The following ADSS1 variants were observed in gnomAD, a reference collection of about 807,000 sequenced individuals.
ADSS1 encodes the protein adenylosuccinate synthase 1, also known as adenylosuccinate synthetase isozyme 1.
ADSS1 carries 57 observed loss-of-function variants against 59.1 expected under a neutral mutation model. The observed-to-expected ratio is 0.97, with a 90% confidence interval of 0.78 to 1.20. The LOEUF is 1.20. Ranked by LOEUF, ADSS1 falls within the 50% of genes most tolerant of loss-of-function variation. ADSS1 has a pLI of 0.00. For synonymous variants in ADSS1, 247 were observed against 249.4 expected (o/e 0.99, Z 0.09); for missense variants, 603 against 610.3 (o/e 0.99, Z 0.13).
chr14:104,740,836 C>T lies in ADSS1; in HGVS notation c.585-3C>T, dbSNP rs1797578283. 2 of 1,613,746 alleles carry T rather than the reference C, an allele frequency of 1.2e-6. No homozygotes were observed. Among genetic ancestry groups the T allele is most frequent in the South Asian group, 2.2e-5 (2 of 91,074 alleles). ...GGGGTGATGATGACTGTCCCTTGTGCAGATTCAAGAACCTGGCCCACCAGC... is the reference window on the plus strand; with the variant it reads ...GGGGTGATGATGACTGTCCCTTGTGTAGATTCAAGAACCTGGCCCACCAGC... On this transcript the variant is annotated splice_region_variant and splice_polypyrimidine_tract_variant and intron_variant, in intron 6 of 12. Transcript: ENST00000330877. This position sits in a 1 kb window ranked among gnomAD's most constrained non-coding sequence, Gnocchi z 4.8.
At position 104,729,945 on chromosome 14, in the gene ADSS1, G is replaced by A. The variant is rs368511329; in HGVS notation, c.193-5075G>A. The A allele has an allele frequency of 1.3e-6, 2 of 1,573,462 alleles. No individual in the cohort carries two copies. Among genetic ancestry groups the A allele is most frequent in the Admixed American group, 1.8e-5 (1 of 55,800 alleles). ...ACCCAGAGGCAAGGAGGTGGGCAGA[G>A]GCCCACGAACCTGGCCCTGACCCTC... On this transcript the variant is annotated intron_variant, in intron 1 of 12. Transcript: ENST00000330877.
chr14:104,743,076 G>A lies in ADSS1; in HGVS notation c.958G>A (p.Gly320Ser). 6.2e-7 allele frequency: 1 copy of A among 1,613,040 alleles called. No individual in the cohort carries two copies. Among genetic ancestry groups the A allele is most frequent in the Middle Eastern group, 1.6e-4 (1 of 6,062 alleles). Residue 320 changes from glycine to serine, a missense_variant, in exon 10 of 13, where the codon GGC (glycine) becomes AGC (serine). Transcript: ENST00000330877. ...CCCTGTTCTCATGTAGGAGATTGGA[G>A]GCCTGCTGCAGACCCGCGGCCACGA... ...FPTEQINEIG[G>S]LLQTRGHEWG...
At chr14:104,743,273 G>A (rs1181241752) in intron 10 of ADSS1, 82 bp downstream of exon 10, 67 of 1,563,820 alleles carry the variant, frequency 4.3e-5, no homozygotes, top group Non-Finnish European at 5.1e-5. Context: ...TTGACGCAGG[G>A]GCTGAGGGCC....
chr14:104,735,160 G>A, intron 2 of ADSS1, 38 bp downstream of exon 2: 1 of 1,549,684 alleles, frequency 6.5e-7, no homozygotes, highest in African/African-American at 1.4e-5. Flanking sequence ...GAGCAGGAAA[G>A]GGGGTGTCAG....
At chr14:104,746,065 C>G in intron 11 of ADSS1, 171 bp from the exon 12 acceptor site, 1 of 776,834 alleles carries the variant, frequency 1.3e-6, no homozygotes, top group East Asian at 2.7e-5. Flanking sequence ...CCCTGCTTAC[C>G]ACCCAACACT....
Position 104,740,515 on chromosome 14 carries a change from A to C in ADSS1, c.477-86A>C. 2 of 1,219,262 alleles carry C rather than the reference A, an allele frequency of 1.6e-6. No individual in the cohort carries two copies. The highest frequency in any genetic ancestry group is 2.4e-6 in the Non-Finnish European group (2 of 848,462). 75.5% of individuals were successfully genotyped at this position (1,219,262 alleles called of 1,614,324 possible). A position where few individuals can be genotyped will look rare whatever the true frequency, so the allele number is the denominator to read the frequency against. On this transcript the variant is annotated intron_variant, in intron 5 of 12. Transcript: ENST00000330877. The surrounding 1 kb of genome is among the most constrained non-coding windows in gnomAD (Gnocchi z 4.8). ...AGCAATGGTGGGCACTGGAGTCATGAGCCGGCGGGGGTCATGGCCTCAGTG... is the reference window on the plus strand; with the variant it reads ...AGCAATGGTGGGCACTGGAGTCATGCGCCGGCGGGGGTCATGGCCTCAGTG...
At chr14:104,746,470 A>G (rs555629156) in intron 12 of ADSS1, 85 bp downstream of exon 12, 3 of 1,489,228 alleles carry the variant, frequency 2.0e-6, no homozygotes, top group African/African-American at 1.4e-5. Flanking sequence ...TTGGTGAGCA[A>G]TAAGAAAACC....
At chr14:104,728,146 G>A (rs1365399815) in intron 1 of ADSS1, among the ~76,000 whole-genome samples, 2 of 152,168 alleles carry the variant, frequency 1.3e-5, no homozygotes, top group Non-Finnish European at 2.9e-5. Context: ...GGCTGTTGGG[G>A]CTCTGGGCAC....
intron 1 of ADSS1, chr14:104,730,258 C>A: frequency 6.9e-7 from 1 of 1,443,506 alleles, no homozygotes; most frequent in Non-Finnish European, 9.2e-7. Flanking sequence ...CTTTGGGAGG[C>A]CGAGGCGAGC....
At chr14:104,744,765 A>G (rs1891494342) in intron 10 of ADSS1, 47 bp from the exon 11 acceptor site, 3 of 1,580,514 alleles carry the variant, frequency 1.9e-6, no homozygotes, top group Admixed American at 3.3e-5. Flanking sequence ...AAACCCCAGC[A>G]CTGCTGACCA....
chr14:104,745,170 A>C (rs942353540), intron 11 of ADSS1: 8 of 414,606 alleles, frequency 1.9e-5, no homozygotes, highest in African/African-American at 1.6e-4. Flanking sequence ...GGGACAGACT[A>C]CTCGCCTGGG....
chr14:104,740,475 C>G lies in ADSS1; in HGVS notation c.477-126C>G. On this transcript the variant is annotated intron_variant, in intron 5 of 12. Transcript: ENST00000330877. This position sits in a 1 kb window ranked among gnomAD's most constrained non-coding sequence, Gnocchi z 4.8. The stretch of plus-strand genomic sequence containing the variant: ...CCCACACACGCACACACTCACAGCT[C>G]AGCCAGACACAGGCAGCAATGGTGG... 1.2e-6 allele frequency: 1 copy of G among 806,516 alleles called. No homozygotes were observed. The highest frequency in any genetic ancestry group is 1.6e-5 in the South Asian group (1 of 63,890). The allele number at this position is 806,516 out of a possible 1,614,324, so 50.0% of individuals were successfully genotyped here. A position where few individuals can be genotyped will look rare whatever the true frequency, so the allele number is the denominator to read the frequency against.
At chr14:104,733,406 G>A (rs1426545727) in intron 1 of ADSS1, among the ~76,000 whole-genome samples, 2 of 152,202 alleles carry the variant, frequency 1.3e-5, no homozygotes, top group Non-Finnish European at 2.9e-5. Context: ...CCCCTGCCTG[G>A]CATCTCTGGA....
At position 104,735,187 on chromosome 14, in the gene ADSS1, A is replaced by G. The variant is rs1891074189; in HGVS notation, c.295+65A>G. 20 of 1,434,732 alleles carry G rather than the reference A, an allele frequency of 1.4e-5. No homozygotes were observed. The African/African-American group carries it at 1.7e-4, about 12-fold the overall frequency. The allele number at this position is 1,434,732 out of a possible 1,614,324, so 88.9% of individuals were successfully genotyped here. A position where few individuals can be genotyped will look rare whatever the true frequency, so the allele number is the denominator to read the frequency against. On this transcript the variant is annotated intron_variant, in intron 2 of 12. Coordinates refer to ENST00000330877, the MANE Select transcript of ADSS1 (RefSeq NM_152328.5). ...GGGTGTCAGCCAGCCCAGGAGCCCCACGCATGGGGGCACGGGGCACCAGAG... is the reference window on the plus strand; with the variant it reads ...GGGTGTCAGCCAGCCCAGGAGCCCCGCGCATGGGGGCACGGGGCACCAGAG...
chr14:104,726,927 A>G (rs1217847184), intron 1 of ADSS1, among the ~76,000 whole-genome samples: 1 of 152,138 alleles, frequency 6.6e-6, no homozygotes, highest in Non-Finnish European at 1.5e-5. Flanking sequence ...GGTTTTGGCT[A>G]TGCTCCTTCC....
chr14:104,727,144 G>A (rs933038753), intron 1 of ADSS1, among the ~76,000 whole-genome samples: 3 of 152,142 alleles, frequency 2.0e-5, no homozygotes, highest in African/African-American at 4.8e-5. Context: ...CGCACGGCTC[G>A]CCTCATTCTT....
chr14:104,746,422 C>T (rs1891561229), intron 12 of ADSS1, 37 bp downstream of exon 12: 3 of 1,588,098 alleles, frequency 1.9e-6, no homozygotes, highest in Non-Finnish European at 2.6e-6. Context: ...CTCCCTGCAC[C>T]CTGGATGCCC....
intron 12 of ADSS1, 92 bp from the exon 13 acceptor site, chr14:104,746,859 T>C: frequency 3.7e-6 from 5 of 1,334,718 alleles, no homozygotes; most frequent in Non-Finnish European, 5.3e-6. Flanking sequence ...TTTTACCATT[T>C]GAACTACACA....
chr14:104,741,137 ACCCAT>A lies in ADSS1; in HGVS notation c.688_692del (p.Pro230GlyfsTer10). On this transcript the variant is annotated frameshift_variant, in exon 8 of 13. Transcript: ENST00000330877. LOFTEE classifies it high-confidence loss of function. ...TGCAGGGCTTTGCTGAGCGGATCAGACCCATGGTCCGAGATGGTGTTTACTTTATG... is the reference window on the plus strand; with the variant it reads ...TGCAGGGCTTTGCTGAGCGGATCAGAGGTCCGAGATGGTGTTTACTTTATG... 6.2e-7 allele frequency: 1 copy of A among 1,609,200 alleles called. No individual in the cohort carries two copies. The highest frequency in any genetic ancestry group is 1.1e-5 in the South Asian group (1 of 90,642).
Sources: gnomAD v4.1 joint callset for allele counts (sites outside exome capture counted in the v4.1 genomes callset) on GRCh38, gnomAD v4.1.1 for gene constraint, Gnocchi (gnomAD v3.1) non-coding constraint, MANE v1.5 for transcripts, NCBI Gene and HGNC (gene_info 2026-07-23, HGNC 2026-07-21) for gene names.